The following OCLN variants were observed in gnomAD, a reference collection of about 807,000 sequenced individuals.
OCLN encodes the protein phosphatase 1, regulatory subunit 115.
OCLN carries 21 observed loss-of-function variants against 47.9 expected under a neutral mutation model. That is an observed-to-expected ratio of 0.44 (90% CI 0.31 to 0.63). The LOEUF (loss-of-function observed/expected upper bound fraction) is 0.63, where lower values mean the gene tolerates loss of function less well. Ranked by LOEUF, OCLN falls within the 30% of genes least tolerant of loss-of-function variation. OCLN has a pLI of 0.08. For missense variants in OCLN, 360 were observed against 571.0 expected (o/e 0.63, Z 3.77); for synonymous variants, 117 against 198.4 (o/e 0.59, Z 3.45).
At chr5:69,494,007 C>T (rs568494947) in intron 1 of OCLN, among the ~76,000 whole-genome samples, 1 of 152,284 alleles carries the variant, frequency 6.6e-6, no homozygotes, top group Admixed American at 6.5e-5. Context: ...GCTTTCCAGG[C>T]CAGTCAGTGT....
chr5:69,531,941 G>C (rs894735354), intron 4 of OCLN, among the ~76,000 whole-genome samples: 2 of 152,126 alleles, frequency 1.3e-5, no homozygotes, highest in Non-Finnish European at 1.5e-5. Context: ...CTTTATAATA[G>C]CAAAATAATC....
At chr5:69,519,301 C>T (rs1021741331) in intron 4 of OCLN, among the ~76,000 whole-genome samples, 1 of 152,162 alleles carries the variant, frequency 6.6e-6, no homozygotes, top group African/African-American at 2.4e-5. Flanking sequence ...ACGCCTCCTG[C>T]CCTCCCACCT....
chr5:69,507,595 A>C (rs1183822052), intron 2 of OCLN, among the ~76,000 whole-genome samples: 1 of 152,114 alleles, frequency 6.6e-6, no homozygotes, highest in Non-Finnish European at 1.5e-5. Context: ...TACTTTCATT[A>C]AAAATAAAAA....
At chr5:69,525,972 A>G (rs1437695162) in intron 4 of OCLN, among the ~76,000 whole-genome samples, 3 of 152,122 alleles carry the variant, frequency 2.0e-5, no homozygotes, top group African/African-American at 4.8e-5. Flanking sequence ...TGACACCTGG[A>G]CCAGAAAACC....
intron 4 of OCLN, among the ~76,000 whole-genome samples, chr5:69,527,511 T>G (rs772077224): frequency 2.6e-5 from 4 of 152,250 alleles, no homozygotes; most frequent in Non-Finnish European, 5.9e-5. Flanking sequence ...TTTTAATTTT[T>G]GTGGGTACAT....
At chr5:69,507,101 G>T (rs1191064865) in intron 2 of OCLN, among the ~76,000 whole-genome samples, 1 of 152,092 alleles carries the variant, frequency 6.6e-6, no homozygotes, top group Admixed American at 6.5e-5. Flanking sequence ...TTATCATCTT[G>T]TATATCCTAA....
chr5:69,526,882 G>T (rs887651079), intron 4 of OCLN, among the ~76,000 whole-genome samples: 2 of 152,196 alleles, frequency 1.3e-5, no homozygotes, highest in African/African-American at 4.8e-5. Flanking sequence ...GGGTCCTGAT[G>T]CATGCGTAAT....
chr5:69,517,369 GGT>G (rs1385568029), intron 4 of OCLN, among the ~76,000 whole-genome samples: 1 of 150,360 alleles, frequency 6.7e-6, no homozygotes. Flanking sequence ...GGAGTACAGT[GGT>G]GCAATATTGG....
At chr5:69,515,742 G>C (rs1768940744) in intron 4 of OCLN, among the ~76,000 whole-genome samples, 1 of 150,428 alleles carries the variant, frequency 6.6e-6, no homozygotes, top group Non-Finnish European at 1.5e-5. Context: ...TTCTCATATG[G>C]GGCGGTTGCC....
At chr5:69,529,094 C>G (rs1045919695) in intron 4 of OCLN, among the ~76,000 whole-genome samples, 1 of 152,164 alleles carries the variant, frequency 6.6e-6, no homozygotes, top group Non-Finnish European at 1.5e-5. Flanking sequence ...AACATTCCTT[C>G]TTGACCTTTT....
At chr5:69,500,942 GGAGTCT>G (rs879764208) in intron 1 of OCLN, among the ~76,000 whole-genome samples, 2,605 of 151,636 alleles carry the variant, frequency 0.017, 32 homozygotes, top group Non-Finnish European at 0.028. Context: ...TTTTTTTAAA[GGAGTCT>G]TGCTCTGTCA....
rs560892907 is a variant in OCLN, at chr5:69,500,451, A to T, written c.-68-3726A>T. On this transcript the variant is annotated intron_variant, in intron 1 of 8. Transcript: ENST00000396442. ...GTTTTGCTCTTTTTGCCCAGGCTGG[A>T]GTGCAATGGCGCAATACTGGCTCAC... Among the ~76,000 whole-genome samples the T allele has an allele frequency of 1.9e-3, 279 of 145,134 alleles. 2 individuals carry two copies. The highest frequency in any genetic ancestry group is 6.8e-3 in the African/African-American group (264 of 38,812).
intron 2 of OCLN, among the ~76,000 whole-genome samples, chr5:69,507,663 T>C: frequency 6.6e-6 from 1 of 152,060 alleles, no homozygotes; most frequent in East Asian, 1.9e-4. Context: ...TGGAGTGCAA[T>C]GGCACGGTCT....
chr5:69,535,860 C>T (rs1769568670), intron 5 of OCLN, among the ~76,000 whole-genome samples: 1 of 152,184 alleles, frequency 6.6e-6, no homozygotes, highest in African/African-American at 2.4e-5. Flanking sequence ...GGCGGTGGCT[C>T]ACGCCTATAA....
chr5:69,494,768 T>C (rs1768246291), intron 1 of OCLN, among the ~76,000 whole-genome samples: 1 of 152,214 alleles, frequency 6.6e-6, no homozygotes, highest in South Asian at 2.1e-4. Context: ...TTTTCTCATT[T>C]AATTATCCCA....
At chr5:69,522,565 G>GTGTTTT (rs1045727732) in intron 4 of OCLN, among the ~76,000 whole-genome samples, 18 of 152,020 alleles carry the variant, frequency 1.2e-4, no homozygotes, top group Non-Finnish European at 5.9e-5. Flanking sequence ...TCCAGTTTTT[G>GTGTTTT]TGTTTTTGTT....
intron 2 of OCLN, among the ~76,000 whole-genome samples, chr5:69,508,793 A>G (rs557150025): frequency 6.6e-6 from 1 of 152,334 alleles, no homozygotes; most frequent in East Asian, 1.9e-4. Context: ...AAACAGTTTG[A>G]TACTGTCTAG....
chr5:69,512,221 ATGT>A (rs1440782088), intron 3 of OCLN, among the ~76,000 whole-genome samples: 6 of 152,040 alleles, frequency 3.9e-5, no homozygotes, highest in Admixed American at 2.6e-4. Flanking sequence ...TCTGTGATTC[ATGT>A]TGTGTTAATT....
chr5:69,506,720 A>G (rs1054260784), intron 2 of OCLN, among the ~76,000 whole-genome samples: 5 of 152,314 alleles, frequency 3.3e-5, no homozygotes, highest in Admixed American at 2.6e-4. Flanking sequence ...GACTAAATAC[A>G]TATTTTACAA....
Sources: allele counts gnomAD v4.1 joint callset (sites outside exome capture counted in the v4.1 genomes callset), GRCh38; gene constraint gnomAD v4.1.1; transcripts MANE v1.5; gene names NCBI Gene and HGNC (gene_info 2026-07-23, HGNC 2026-07-21).